The following TJP1 variants were observed in gnomAD, a reference collection of about 807,000 sequenced individuals.
TJP1 encodes the protein tight junction protein 1, also known as tight junction protein ZO-1.
In TJP1, 43 loss-of-function variants were observed where a neutral mutation model predicts 194.2. The observed-to-expected ratio is 0.22, with a 90% CI of 0.17 to 0.29. TJP1 has a LOEUF of 0.29. Among genes scored for constraint, TJP1 ranks in the 10% least tolerant of loss-of-function variants. The pLI is 1.00. For missense variants in TJP1, 1,971 were observed against 2,185.7 expected (o/e 0.90, Z 1.96); for synonymous variants, 801 against 779.0 (o/e 1.03, Z -0.47).
At chr15:29,757,265 A>T (rs1055960494) in intron 8 of TJP1, among the ~76,000 whole-genome samples, 4 of 152,208 alleles carry the variant, frequency 2.6e-5, no homozygotes, top group African/African-American at 9.6e-5. Context: ...AGTATTCAGA[A>T]ATCTAGGAAG....
At chr15:29,713,811 T>C (rs2042387933) in intron 23 of TJP1, among the ~76,000 whole-genome samples, 1 of 152,192 alleles carries the variant, frequency 6.6e-6, no homozygotes, top group Admixed American at 6.5e-5. Flanking sequence ...AGCACAATTA[T>C]AAAGAGTTTC....
chr15:29,845,812 ATAAAAT>A (rs1449875982), intron 2 of TJP1, among the ~76,000 whole-genome samples: 6 of 152,200 alleles, frequency 3.9e-5, no homozygotes, highest in African/African-American at 1.4e-4. Flanking sequence ...CAATAAATAA[ATAAAAT>A]TAAATTAAAA....
chr15:29,714,183 G>A (rs2042408054), intron 23 of TJP1, among the ~76,000 whole-genome samples: 1 of 151,922 alleles, frequency 6.6e-6, no homozygotes, highest in African/African-American at 2.4e-5. Context: ...AACACAGAAA[G>A]CAAACATGCA....
chr15:29,936,107 C>T (rs959731772), intron 2 of TJP1, among the ~76,000 whole-genome samples: 4 of 152,060 alleles, frequency 2.6e-5, no homozygotes, highest in African/African-American at 7.2e-5. Context: ...TATGAGTTCC[C>T]TCCTCGCTGG....
intron 8 of TJP1, among the ~76,000 whole-genome samples, chr15:29,745,474 C>G (rs928143518): frequency 6.6e-6 from 1 of 152,022 alleles, no homozygotes; most frequent in African/African-American, 2.4e-5. Flanking sequence ...AAACTTTAGA[C>G]TGGGGGAAGC....
intron 2 of TJP1, among the ~76,000 whole-genome samples, chr15:29,866,703 G>A (rs1274930140): frequency 6.6e-6 from 1 of 152,186 alleles, no homozygotes; most frequent in Admixed American, 6.5e-5. Flanking sequence ...GTATTCTGGT[G>A]TTTTTGATCC....
downstream of TJP1, chr15:29,699,827 A>G (rs1252885183): frequency 6.3e-6 from 1 of 157,980 alleles, no homozygotes; most frequent in Non-Finnish European, 1.4e-5. Context: ...AAATGGTTAC[A>G]CGCACACACA....
chr15:29,796,429 T>G (rs892108608), intron 2 of TJP1, among the ~76,000 whole-genome samples: 1 of 145,072 alleles, frequency 6.9e-6, no homozygotes, highest in Admixed American at 6.8e-5. Flanking sequence ...CTATTTACAA[T>G]AGCGCCAAGA....
chr15:29,865,462 T>C (rs1005938691), intron 2 of TJP1, among the ~76,000 whole-genome samples: 4 of 152,192 alleles, frequency 2.6e-5, no homozygotes, highest in African/African-American at 9.7e-5. Context: ...AGAGTGATTT[T>C]TACAAGGAAG....
At chr15:29,936,327 A>G (rs2054881370) in intron 2 of TJP1, among the ~76,000 whole-genome samples, 1 of 152,224 alleles carries the variant, frequency 6.6e-6, no homozygotes, top group African/African-American at 2.4e-5. Flanking sequence ...AATACTGAAT[A>G]GAGTCGTCCA....
chr15:29,814,189 T>C (rs946000924), intron 1 of TJP1, among the ~76,000 whole-genome samples: 4 of 152,132 alleles, frequency 2.6e-5, no homozygotes, highest in African/African-American at 7.2e-5. Context: ...GTTTAGAAAA[T>C]GACTTTGTCA....
chr15:29,815,226 G>A (rs911916081), intron 1 of TJP1, among the ~76,000 whole-genome samples: 1 of 152,200 alleles, frequency 6.6e-6, no homozygotes, highest in Non-Finnish European at 1.5e-5. Context: ...AGGTCAGAGA[G>A]AGCAAAAGTC....
chr15:29,908,686 T>C (rs1567185602), intron 2 of TJP1, among the ~76,000 whole-genome samples: 2 of 152,318 alleles, frequency 1.3e-5, no homozygotes, highest in East Asian at 1.9e-4. Context: ...AGATGTGAAG[T>C]TGGCTAGGAG....
At chr15:29,760,593 T>C (rs1471104353) in intron 8 of TJP1, among the ~76,000 whole-genome samples, 3 of 152,176 alleles carry the variant, frequency 2.0e-5, no homozygotes, top group South Asian at 2.1e-4. Flanking sequence ...GCCAGGCTGG[T>C]CTTGATCTCC....
In TJP1 at chr15:29,820,898, C is replaced by T. The variant is rs558068132; in HGVS notation, c.27+1104G>A. Among the ~76,000 whole-genome samples the T allele has an allele frequency of 3.9e-5, 6 of 152,304 alleles. 1 individual carries two copies. In the South Asian group the frequency reaches 1.2e-3, roughly 32 times the overall value. ...AGTGTAACCGCTAGCTTCTCCCAGC[C>T]AGCAAACAAGCTTCTGTGAGAGTTC... is the stretch of plus-strand genomic sequence containing the variant. On this transcript the variant is annotated intron_variant, in intron 1 of 27. Transcript: ENST00000614355.
chr15:29,906,329 C>T lies in TJP1; in HGVS notation c.306+49903G>A, dbSNP rs541888747. On this transcript the variant is annotated intron_variant, in intron 2 of 28. Transcript: ENST00000356107. ...CTCTACCAAAAATTTAAAAATTAGC[C>T]GGGTGTCATGATGCACGCCTGTAAT... Among the ~76,000 whole-genome samples the T allele has an allele frequency of 6.0e-4, 91 of 151,726 alleles. 1 individual carries two copies. In the South Asian group the frequency reaches 0.018, roughly 31 times the overall value.
chr15:29,894,161 T>A (rs180946558), intron 2 of TJP1, among the ~76,000 whole-genome samples: 186 of 152,260 alleles, frequency 1.2e-3, no homozygotes, highest in African/African-American at 4.1e-3. Flanking sequence ...TCTGAGATTT[T>A]AAAATATGCA....
At chr15:29,857,080 T>G (rs1184562353) in intron 2 of TJP1, among the ~76,000 whole-genome samples, 2 of 152,164 alleles carry the variant, frequency 1.3e-5, no homozygotes, top group African/African-American at 4.8e-5. Flanking sequence ...CATCCATGGA[T>G]TTTGATATCT....
intron 1 of TJP1, among the ~76,000 whole-genome samples, chr15:29,801,411 T>A (rs2048771777): frequency 6.6e-6 from 1 of 152,082 alleles, no homozygotes; most frequent in Non-Finnish European, 1.5e-5. Context: ...ATAGCGTACT[T>A]CAGTTTTACC....
Sources: allele counts gnomAD v4.1 joint callset (sites outside exome capture counted in the v4.1 genomes callset), GRCh38; gene constraint gnomAD v4.1.1; transcripts MANE v1.5; gene names NCBI Gene and HGNC (gene_info 2026-07-23, HGNC 2026-07-21).